ST6GAL1: variants seen among roughly 807,000 people sequenced by gnomAD.
ST6GAL1 encodes the protein ST6 beta-galactoside alpha-2,6-sialyltransferase 1, also known as beta-galactoside alpha-2,6-sialyltransferase 1.
A neutral mutation model predicts 38.0 loss-of-function variants in ST6GAL1; 20 were observed. The observed-to-expected ratio is 0.53, with a 90% CI of 0.37 to 0.77. The LOEUF is 0.77. ST6GAL1 is among the 30% of genes least tolerant of loss of function. The pLI, the probability that ST6GAL1 is intolerant of heterozygous loss-of-function variation, is 0.00. For missense variants in ST6GAL1, 432 were observed against 496.4 expected, an observed-to-expected ratio of 0.87 and a Z score of 1.23; for synonymous variants, 196 against 188.2, an observed-to-expected ratio of 1.04 and a Z score of -0.34.
At chr3:187,003,382 T>C (rs539537014) in intron 2 of ST6GAL1, among the ~76,000 whole-genome samples, 3 of 152,312 alleles carry the variant, frequency 2.0e-5, no homozygotes, top group South Asian at 2.1e-4. Context: ...AACAACCTCA[T>C]TGAAACACCC....
intron 2 of ST6GAL1, among the ~76,000 whole-genome samples, chr3:186,974,588 C>T (rs1429119520): frequency 6.6e-6 from 1 of 152,006 alleles, no homozygotes. Flanking sequence ...TAGAACATTT[C>T]CGTCATTAGT....
intron 2 of ST6GAL1, among the ~76,000 whole-genome samples, chr3:186,978,572 C>A (rs1482217439): frequency 6.6e-6 from 1 of 152,238 alleles, no homozygotes; most frequent in African/African-American, 2.4e-5. Flanking sequence ...GTCTCTGGCA[C>A]CCTTTCCTTT....
At chr3:187,057,926 T>G (rs1320503236) in intron 5 of ST6GAL1, among the ~76,000 whole-genome samples, 1 of 152,214 alleles carries the variant, frequency 6.6e-6, no homozygotes, top group African/African-American at 2.4e-5. Flanking sequence ...GCAGCAGGCC[T>G]GGCTGACCTG....
intron 2 of ST6GAL1, among the ~76,000 whole-genome samples, chr3:186,996,064 T>G (rs1289871659): frequency 2.0e-5 from 3 of 152,190 alleles, no homozygotes; most frequent in Non-Finnish European, 4.4e-5. Context: ...ATCATTTGTC[T>G]TTTTAAATAA....
chr3:187,015,640 A>T (rs1048721817), intron 2 of ST6GAL1, among the ~76,000 whole-genome samples: 1 of 152,092 alleles, frequency 6.6e-6, no homozygotes, highest in African/African-American at 2.4e-5. Context: ...GGGGTTCAAG[A>T]CCAGCCTGGG....
chr3:187,042,114 G>A (rs1490360848), intron 3 of ST6GAL1: 1 of 152,632 alleles, frequency 6.6e-6, no homozygotes, highest in Non-Finnish European at 1.5e-5. Context: ...CATCTATAAC[G>A]AGAAGTCTTT....
intron 2 of ST6GAL1, among the ~76,000 whole-genome samples, chr3:187,013,328 G>A (rs1035828596): frequency 6.6e-6 from 1 of 152,046 alleles, no homozygotes; most frequent in Non-Finnish European, 1.5e-5. Flanking sequence ...TGTGAAATAG[G>A]GACTATTAAG....
chr3:187,047,451 T>A (rs1246699609), intron 4 of ST6GAL1, among the ~76,000 whole-genome samples: 1 of 152,198 alleles, frequency 6.6e-6, no homozygotes, highest in Non-Finnish European at 1.5e-5. Flanking sequence ...GGCAGTGGAT[T>A]TTGATGTATT....
At chr3:186,981,525 G>A (rs1715698604) in intron 2 of ST6GAL1, among the ~76,000 whole-genome samples, 2 of 152,170 alleles carry the variant, frequency 1.3e-5, no homozygotes, top group Non-Finnish European at 2.9e-5. Context: ...CTTCTCTGTA[G>A]CTTCAGAGCA....
chr3:186,946,900 C>G (rs1714390468), intron 1 of ST6GAL1, among the ~76,000 whole-genome samples: 1 of 152,022 alleles, frequency 6.6e-6, no homozygotes, highest in African/African-American at 2.4e-5. Flanking sequence ...CTAGGCAGAA[C>G]AAAATACGTT....
intron 2 of ST6GAL1, among the ~76,000 whole-genome samples, chr3:187,020,270 TG>T (rs780627345): frequency 5.3e-5 from 8 of 151,850 alleles, no homozygotes; most frequent in Non-Finnish European, 1.0e-4. Context: ...CACTCCAGCC[TG>T]GTAACAGAGC....
intron 2 of ST6GAL1, among the ~76,000 whole-genome samples, chr3:186,986,136 G>A (rs1715911443): frequency 6.6e-6 from 1 of 152,218 alleles, no homozygotes; most frequent in Non-Finnish European, 1.5e-5. Context: ...CCATAAGGAA[G>A]CAGAGATTAG....
chr3:186,965,374 G>A (rs1282985457), intron 2 of ST6GAL1, among the ~76,000 whole-genome samples: 1 of 152,222 alleles, frequency 6.6e-6, no homozygotes, highest in African/African-American at 2.4e-5. Flanking sequence ...AAGCCCTGCT[G>A]TTGCAGCAGA....
At chr3:187,061,997 A>C (rs1718931609) in intron 5 of ST6GAL1, among the ~76,000 whole-genome samples, 1 of 152,244 alleles carries the variant, frequency 6.6e-6, no homozygotes, top group African/African-American at 2.4e-5. Flanking sequence ...AATGTACAGA[A>C]TATATAGAAC....
chr3:187,053,078 T>C (rs1191699625), intron 5 of ST6GAL1, among the ~76,000 whole-genome samples: 1 of 152,254 alleles, frequency 6.6e-6, no homozygotes, highest in Non-Finnish European at 1.5e-5. Context: ...ATGTGCCTGT[T>C]GGCTGCATAA....
intron 1 of ST6GAL1, among the ~76,000 whole-genome samples, chr3:186,954,580 A>G (rs906745202): frequency 6.6e-6 from 1 of 152,114 alleles, no homozygotes; most frequent in Non-Finnish European, 1.5e-5. Context: ...CTAATGATGC[A>G]TGGTGTTGAG....
intron 2 of ST6GAL1, among the ~76,000 whole-genome samples, chr3:186,993,557 TTTATTTA>T (rs1247286298): frequency 0.012 from 81 of 6,568 alleles, 1 homozygote; most frequent in East Asian, 0.022. Context: ...TTGACAGAGT[TTTATTTA>T]TTTATTTATT....
chr3:187,022,883 T>C (rs1304513444), intron 2 of ST6GAL1, among the ~76,000 whole-genome samples: 1 of 152,208 alleles, frequency 6.6e-6, no homozygotes, highest in African/African-American at 2.4e-5. Flanking sequence ...GAGACTGTAT[T>C]GTTTCTAGGG....
At chr3:187,074,413 A>G in intron 7 of ST6GAL1, 80 bp downstream of exon 7, 2 of 1,412,352 alleles carry the variant, frequency 1.4e-6, no homozygotes, top group Non-Finnish European at 1.9e-6. Context: ...TCATTCAGTC[A>G]TTCGTTTGTT....
Sources: gnomAD v4.1 joint callset for allele counts (sites outside exome capture counted in the v4.1 genomes callset) on GRCh38, gnomAD v4.1.1 for gene constraint, MANE v1.5 for transcripts, NCBI Gene and HGNC (gene_info 2026-07-23, HGNC 2026-07-21) for gene names.